Variants in CUL4B observed in about 807,000 individuals in gnomAD.
CUL4B encodes cullin-4B.
CUL4B carries 1 observed loss-of-function variant against 69.2 expected under a neutral mutation model. The observed-to-expected ratio is 0.01, with a 90% CI of 0.01 to 0.07. CUL4B has a LOEUF of 0.07. Among genes scored for constraint, CUL4B ranks in the 10% least tolerant of loss-of-function variants. The probability of loss-of-function intolerance (pLI) is 1.00; values close to 1 mark genes in which losing one functional copy is unlikely to be tolerated. For missense variants in CUL4B, 328 were observed against 638.8 expected, an observed-to-expected ratio of 0.51 and a Z score of 5.24; for synonymous variants, 237 against 223.2, an observed-to-expected ratio of 1.06 and a Z score of -0.55.
In CUL4B at chrX:120,560,317, C is replaced by G; in HGVS notation, c.322G>C (p.Glu108Gln). 8.3e-7 allele frequency: 1 copy of G among 1,211,036 alleles called. No homozygotes were observed. The highest frequency in any genetic ancestry group is 1.8e-5 in the South Asian group (1 of 56,957). ...ATCTTCGCATCAAACCCTACAAACT[C>G]CAGGGTGTCTTCAAAACGCAGCTTC... is the stretch of plus-strand genomic sequence containing the variant. ...QKKLRFEDTL[E>Q]FVGFDAKMAE... is the part of the protein sequence containing the mutation. Residue 108 changes from glutamate (E) to glutamine (Q), a missense_variant, in exon 1 of 20, where the codon GAG becomes CAG. Coordinates refer to ENST00000371322, the MANE Select transcript of CUL4B (RefSeq NM_001079872.2).
At chrX:120,544,765 G>A in intron 5 of CUL4B, 122 bp from the exon 6 acceptor site, 2 of 530,136 alleles carry the variant, frequency 3.8e-6, no homozygotes, top group East Asian at 3.5e-5. Context: ...AGCAGCAATT[G>A]TCAAAAAATA....
At chrX:120,545,617 A>G (rs1056256482) in intron 4 of CUL4B, 100 bp from the exon 5 acceptor site, 3 of 552,689 alleles carry the variant, frequency 5.4e-6, no homozygotes, top group Admixed American at 3.0e-5. Context: ...GTCTGTATAT[A>G]TATTACATTA....
chrX:120,543,575 G>T, intron 8 of CUL4B, 152 bp downstream of exon 8: 1 of 462,999 alleles, frequency 2.2e-6, no homozygotes, highest in East Asian at 3.7e-5. Flanking sequence ...ATTAACTAGG[G>T]AAAAGAATAA....
chrX:120,568,142 T>C (rs1255510199), downstream of CUL4B, among the ~76,000 whole-genome samples: 1 of 111,320 alleles, frequency 9.0e-6, no homozygotes, highest in Non-Finnish European at 1.9e-5. Flanking sequence ...GGAAAAAAGC[T>C]AATAGGAAAG....
chrX:120,534,866 CTAGA>C (rs1485789925), intron 16 of CUL4B, among the ~76,000 whole-genome samples: 2 of 111,281 alleles, frequency 1.8e-5, no homozygotes, highest in Non-Finnish European at 3.8e-5. Context: ...ATGTGTCATT[CTAGA>C]TATTCATCAC....
rs778382925 is a variant in CUL4B, at chrX:120,544,659, C to G, written c.921-16G>C. 1 of 1,177,718 alleles carries G rather than the reference C, an allele frequency of 8.5e-7. No individual in the cohort carries two copies. The highest frequency in any genetic ancestry group is 1.8e-5 in the African/African-American group (1 of 56,562). On this transcript the variant is annotated splice_polypyrimidine_tract_variant and intron_variant, in intron 5 of 19. Transcript: ENST00000371322. The stretch of plus-strand genomic sequence containing the variant: ...TCCCATGTCCCTAAAATAAAAAACA[C>G]ATATAACCTAAATTAATTGACAATA...
intron 8 of CUL4B, 120 bp from the exon 9 acceptor site, chrX:120,543,153 T>G: frequency 2.1e-6 from 1 of 474,751 alleles, no homozygotes; most frequent in South Asian, 3.2e-5. Flanking sequence ...AAGATTCCTA[T>G]CCTATGTATA....
intron 19 of CUL4B, among the ~76,000 whole-genome samples, chrX:120,527,166 T>A (rs1399105485): frequency 9.1e-6 from 1 of 109,655 alleles, no homozygotes; most frequent in Non-Finnish European, 1.9e-5. Flanking sequence ...TTCAAGTGAT[T>A]CTTCTGCCTC....
At chrX:120,561,322 ACTCC>A (rs748711131), upstream of CUL4B, 464 of 552,569 alleles carry the variant, frequency 8.4e-4, 4 homozygotes, top group African/African-American at 9.3e-3. Context: ...GGGAACTCCC[ACTCC>A]CTCCTTAACG....
downstream of CUL4B, among the ~76,000 whole-genome samples, chrX:120,567,801 G>A (rs780712577): frequency 2.3e-4 from 25 of 108,325 alleles, no homozygotes; most frequent in Non-Finnish European, 4.0e-4. Flanking sequence ...CTTGAGCCCA[G>A]GAGTTCCAGC....
intron 1 of CUL4B, among the ~76,000 whole-genome samples, chrX:120,559,298 C>T (rs1425240656): frequency 8.9e-6 from 1 of 112,237 alleles, no homozygotes; most frequent in African/African-American, 3.2e-5. Flanking sequence ...ATTAATTCAG[C>T]TCAAATACAT....
At chrX:120,568,644 C>T (rs980599801), downstream of CUL4B, among the ~76,000 whole-genome samples, 3 of 112,452 alleles carry the variant, frequency 2.7e-5, no homozygotes, top group African/African-American at 9.7e-5. Flanking sequence ...TACAGAATAA[C>T]ACAAAATTCA....
chrX:120,539,731 T>C (rs945772431), intron 11 of CUL4B, among the ~76,000 whole-genome samples: 24 of 112,563 alleles, frequency 2.1e-4, no homozygotes, highest in Non-Finnish European at 3.9e-4. Flanking sequence ...TTCTGGAGTA[T>C]CCATTTTATA....
At chrX:120,543,408 G>A (rs190456792) in intron 8 of CUL4B, among the ~76,000 whole-genome samples, 1 of 110,086 alleles carries the variant, frequency 9.1e-6, no homozygotes, top group East Asian at 2.8e-4. Flanking sequence ...GGAAAGCACA[G>A]AAATAGGGGA....
chrX:120,546,448 T>C (rs1411619359), intron 4 of CUL4B, 99 bp downstream of exon 4: 1 of 608,711 alleles, frequency 1.6e-6, no homozygotes, highest in Non-Finnish European at 2.7e-6. Context: ...GCAATCTCCC[T>C]ATTGCTAAGT....
intron 2 of CUL4B, among the ~76,000 whole-genome samples, chrX:120,574,212 TAAC>T (rs1477395228): frequency 1.9e-5 from 2 of 107,053 alleles, no homozygotes; most frequent in African/African-American, 3.4e-5. Context: ...GACATGTTGT[TAAC>T]AATATTTTTT....
chrX:120,548,197 C>T (rs1220850747), intron 2 of CUL4B, among the ~76,000 whole-genome samples: 2 of 109,951 alleles, frequency 1.8e-5, no homozygotes, highest in Non-Finnish European at 3.8e-5. Flanking sequence ...TCACTTGAGC[C>T]CAAGAGTTCA....
chrX:120,567,009 T>G (rs188243380), downstream of CUL4B, among the ~76,000 whole-genome samples: 92 of 111,572 alleles, frequency 8.2e-4, no homozygotes, highest in Non-Finnish European at 2.1e-4. Context: ...ATTTTTAACA[T>G]TCTGTTTACT....
intron 18 of CUL4B, among the ~76,000 whole-genome samples, chrX:120,530,819 G>A (rs963523324): frequency 4.3e-4 from 48 of 111,979 alleles, no homozygotes; most frequent in Non-Finnish European, 1.1e-4. Context: ...TTTAGGAGGC[G>A]GTTTACCAAT....
Sources: allele counts gnomAD v4.1 joint callset (sites outside exome capture counted in the v4.1 genomes callset), GRCh38; gene constraint gnomAD v4.1.1; transcripts MANE v1.5; gene names NCBI Gene and HGNC (gene_info 2026-07-23, HGNC 2026-07-21).